UTP18: variants seen among roughly 807,000 people sequenced by gnomAD.
UTP18 encodes the protein UTP18 small subunit processome component, also known as U3 small nucleolar RNA-associated protein 18 homolog.
In UTP18, 36 loss-of-function variants were observed where a neutral mutation model predicts 61.1. The observed-to-expected ratio is 0.59, with a 90% CI of 0.45 to 0.78. The LOEUF is 0.78. Among genes scored for constraint, UTP18 ranks in the 30% least tolerant of loss-of-function variants. The pLI is 0.00. For synonymous variants in UTP18, 282 were observed against 251.1 expected (o/e 1.12, Z -1.16); for missense variants, 753 against 693.9 (o/e 1.09, Z -0.96).
chr17:51,268,648 A>G (rs972909714), intron 3 of UTP18, among the ~76,000 whole-genome samples, 189 bp from the exon 4 acceptor site: 3 of 152,232 alleles, frequency 2.0e-5, no homozygotes, highest in Admixed American at 1.3e-4. Flanking sequence ...GGAGGTTTCC[A>G]GTATAGGCAG....
intron 5 of UTP18, among the ~76,000 whole-genome samples, chr17:51,275,246 G>T (rs549216111): frequency 2.0e-5 from 3 of 151,630 alleles, no homozygotes; most frequent in South Asian, 4.2e-4. Flanking sequence ...TAACTTGGTG[G>T]TTACAAACAA....
chr17:51,275,502 G>C (rs1904686992), intron 5 of UTP18, among the ~76,000 whole-genome samples: 1 of 152,178 alleles, frequency 6.6e-6, no homozygotes, highest in Admixed American at 6.5e-5. Flanking sequence ...AGTTTTAAGT[G>C]AAATTTCCTC....
chr17:51,275,904 T>C lies in UTP18; in HGVS notation c.750T>C (p.Thr250=). The C allele has an allele frequency of 6.2e-7, 1 of 1,611,882 alleles. No individual in the cohort carries two copies. The highest frequency in any genetic ancestry group is 8.5e-7 in the Non-Finnish European group (1 of 1,179,354). ...NCQHANAERP[T]VARISSVQFH... ...AGCATGCGAATGCTGAACGTCCTAC[T>C]GTTGCTCGGATCTCATCTGTGCAGT... Residue 250 remains threonine (T), a synonymous_variant, in exon 6 of 14, where the codon ACT becomes ACC. Transcript: ENST00000225298.
chr17:51,267,620 G>A (rs552418613), intron 3 of UTP18, among the ~76,000 whole-genome samples: 13 of 152,092 alleles, frequency 8.5e-5, no homozygotes, highest in Non-Finnish European at 1.6e-4. Flanking sequence ...TGGGCTTAAA[G>A]TCTTGATTAG....
chr17:51,280,171 C>G, intron 8 of UTP18, 66 bp downstream of exon 8: 1 of 1,498,394 alleles, frequency 6.7e-7, no homozygotes, highest in East Asian at 2.3e-5. Context: ...AGTCTTGCAC[C>G]TTAACTCAGT....
intron 10 of UTP18, among the ~76,000 whole-genome samples, chr17:51,286,907 A>C (rs1905133145): frequency 6.6e-6 from 1 of 151,988 alleles, no homozygotes; most frequent in African/African-American, 2.4e-5. Context: ...TACATGTGCC[A>C]TGTTGGTGTG....
chr17:51,288,952 T>C (rs556221653), intron 11 of UTP18, among the ~76,000 whole-genome samples: 1 of 152,334 alleles, frequency 6.6e-6, no homozygotes, highest in African/African-American at 2.4e-5. Context: ...TAGAGACTCA[T>C]TGCAGAAGGT....
intron 10 of UTP18, among the ~76,000 whole-genome samples, chr17:51,286,978 T>TTC (rs1905135149): frequency 2.4e-5 from 3 of 123,450 alleles, no homozygotes; most frequent in African/African-American, 3.6e-5. Context: ...CCCTCCCCCT[T>TTC]CCCCCCCCGA....
At chr17:51,279,007 T>C (rs1273075749) in intron 7 of UTP18, among the ~76,000 whole-genome samples, 1 of 152,220 alleles carries the variant, frequency 6.6e-6, no homozygotes, top group African/African-American at 2.4e-5. Flanking sequence ...CCTTAATTTG[T>C]ATTTTCCTGT....
rs114869627 is a variant in UTP18, at chr17:51,289,117, G to T, written c.1503+914G>T. 9.1e-3 allele frequency among the ~76,000 whole-genome samples: 1,390 copies of T among 152,134 alleles called. 25 individuals carry two copies. The highest frequency in any genetic ancestry group is 0.032 in the African/African-American group (1,319 of 41,506). ...CCATATCATTTAGGGAAAGTTTCAT[G>T]CCAGTATAGGAACTGTGTGCTAGTC... is the stretch of plus-strand genomic sequence containing the variant. On this transcript the variant is annotated intron_variant, in intron 11 of 13. Coordinates refer to ENST00000225298, the MANE Select transcript of UTP18 (RefSeq NM_016001.3).
intron 7 of UTP18, among the ~76,000 whole-genome samples, chr17:51,278,159 C>T (rs1227692126): frequency 6.6e-6 from 1 of 152,068 alleles, no homozygotes; most frequent in Admixed American, 6.6e-5. Context: ...TGATCCTTTC[C>T]AAGTAGATCC....
At position 51,293,922 on chromosome 17, in the gene UTP18, C is replaced by T; in HGVS notation, c.1523C>T (p.Thr508Ile). 6.3e-7 allele frequency: 1 copy of T among 1,597,612 alleles called. No individual in the cohort carries two copies. The highest frequency in any genetic ancestry group is 8.5e-7 in the Non-Finnish European group (1 of 1,172,378). Residue 508 changes from threonine to isoleucine, a missense_variant, in exon 12 of 14, where the codon ACA (threonine) becomes ATA (isoleucine). By Grantham distance (89) the Thr-to-Ile change is moderately conservative (BLOSUM62 -1). Transcript: ENST00000225298. ...AVRLVHLPSC[T>I]VFSNFPVIKN... ...CTGCAGGTTCATCTTCCTTCCTGTACAGTATTTTCAAACTTCCCAGTCATT... is the reference window on the plus strand; with the variant it reads ...CTGCAGGTTCATCTTCCTTCCTGTATAGTATTTTCAAACTTCCCAGTCATT...
chr17:51,268,772 A>T, intron 3 of UTP18, 65 bp from the exon 4 acceptor site: 3 of 1,350,754 alleles, frequency 2.2e-6, no homozygotes, highest in Non-Finnish European at 3.2e-6. Context: ...TATGCTTTAA[A>T]TGTATCAAGC....
At chr17:51,283,897 G>A (rs1474243655) in intron 9 of UTP18, among the ~76,000 whole-genome samples, 6 of 152,214 alleles carry the variant, frequency 3.9e-5, no homozygotes, top group Admixed American at 3.3e-4. Context: ...TTACAGGCAT[G>A]AGCCACCATG....
chr17:51,285,786 A>G (rs1037601703), intron 10 of UTP18, among the ~76,000 whole-genome samples: 12 of 152,248 alleles, frequency 7.9e-5, no homozygotes, highest in African/African-American at 2.2e-4. Context: ...AGGAGAAAAC[A>G]CAGTACACAC....
At chr17:51,270,420 T>G (rs1167671802) in intron 4 of UTP18, among the ~76,000 whole-genome samples, 4 of 152,226 alleles carry the variant, frequency 2.6e-5, no homozygotes, top group Non-Finnish European at 5.9e-5. Context: ...TATTATCCAT[T>G]TCAGAATGCT....
chr17:51,285,245 G>A lies in UTP18; in HGVS notation c.1205G>A (p.Gly402Glu), dbSNP rs1905066502. 6.2e-7 allele frequency: 1 copy of A among 1,613,032 alleles called. No homozygotes were observed. Among genetic ancestry groups the A allele is most frequent in the African/African-American group, 1.3e-5 (1 of 74,858 alleles). Residue 402 changes from glycine (G) to glutamate (E), a missense_variant and splice_region_variant, in exon 10 of 14, where the codon GGG becomes GAG. By Grantham distance (98) the Gly-to-Glu change is moderately conservative. Transcript: ENST00000225298. ...CTCTTTTTTTCGCTCTTTTATGCAG[G>A]GGATGGAGAAGTTTATGTTTGGGAT... is the stretch of plus-strand genomic sequence containing the variant. ...SDSKKVYASS[G>E]DGEVYVWDVN...
intron 10 of UTP18, 24 bp from the exon 11 acceptor site, chr17:51,288,005 A>G (rs1905156977): frequency 2.0e-6 from 3 of 1,534,772 alleles, no homozygotes; most frequent in Admixed American, 2.3e-5. Context: ...TTTTTAATCT[A>G]TTTTAATCCT....
At chr17:51,291,678 T>G (rs1905242002) in intron 11 of UTP18, among the ~76,000 whole-genome samples, 1 of 148,782 alleles carries the variant, frequency 6.7e-6, no homozygotes, top group Non-Finnish European at 1.5e-5. Context: ...GAGGTTACAG[T>G]GAGCTGAGAT....
Sources: allele counts gnomAD v4.1 joint callset (sites outside exome capture counted in the v4.1 genomes callset), GRCh38; gene constraint gnomAD v4.1.1; transcripts MANE v1.5; gene names NCBI Gene and HGNC (gene_info 2026-07-23, HGNC 2026-07-21).